The following EYS variants were observed in gnomAD, a reference collection of about 807,000 sequenced individuals.
EYS encodes EGF-like photoreceptor maintenance factor.
In EYS, 250 loss-of-function variants were observed where a neutral mutation model predicts 282.1. The ratio of observed to expected loss-of-function variants is 0.89; its 90% confidence interval spans 0.80 to 0.98. The LOEUF (loss-of-function observed/expected upper bound fraction) is 0.98, where lower values mean the gene tolerates loss of function less well. EYS is among the 50% of genes least tolerant of loss of function. The pLI is 0.00. For missense variants in EYS, 4,016 were observed against 3,709.0 expected, an observed-to-expected ratio of 1.08 and a Z score of -2.15; for synonymous variants, 1,355 against 1,282.9, an observed-to-expected ratio of 1.06 and a Z score of -1.20.
intron 23 of EYS, among the ~76,000 whole-genome samples, chr6:64,622,686 T>C (rs1028317326): frequency 2.0e-5 from 3 of 152,122 alleles, no homozygotes; most frequent in Non-Finnish European, 2.9e-5. Flanking sequence ...ATAATATGAA[T>C]GTAAGAAAGA....
At chr6:64,132,773 A>G (rs753824331) in intron 31 of EYS, among the ~76,000 whole-genome samples, 3 of 151,148 alleles carry the variant, frequency 2.0e-5, no homozygotes, top group African/African-American at 4.9e-5. Flanking sequence ...TTGCAATAAA[A>G]TAAACCAAAG....
intron 37 of EYS, among the ~76,000 whole-genome samples, chr6:63,792,361 A>G (rs1562028463): frequency 6.6e-6 from 1 of 152,050 alleles, no homozygotes; most frequent in Non-Finnish European, 1.5e-5. Flanking sequence ...TGGAGTAGAT[A>G]AGAGGAAGAA....
rs570561227 is a variant in EYS at position 64,322,100 on chromosome 6, C to T, written c.6079-15018G>A. ...AACAACTATTTACTAAGCACATACTCGGTAGTAAGCACAGGGTCACCATAT... is the reference window on the plus strand; with the variant it reads ...AACAACTATTTACTAAGCACATACTTGGTAGTAAGCACAGGGTCACCATAT... On this transcript the variant is annotated intron_variant, in intron 29 of 42. Transcript: ENST00000503581. Among the ~76,000 whole-genome samples, 20 of 152,004 alleles carry T rather than the reference C, an allele frequency of 1.3e-4. No individual in the cohort carries two copies. In the Middle Eastern group the frequency reaches 0.01, roughly 78 times the overall value.
chr6:64,006,436 G>C (rs1015377060), intron 33 of EYS, among the ~76,000 whole-genome samples: 2 of 152,152 alleles, frequency 1.3e-5, no homozygotes, highest in Non-Finnish European at 2.9e-5. Context: ...TCTGCAGAGA[G>C]AGAGAGTTTG....
chr6:65,472,096 T>C (rs1765238609), intron 5 of EYS, among the ~76,000 whole-genome samples: 1 of 152,138 alleles, frequency 6.6e-6, no homozygotes, highest in South Asian at 2.1e-4. Flanking sequence ...ATTGTCAGTT[T>C]CCATGCACTT....
chr6:64,337,780 C>A (rs769841947), intron 29 of EYS, among the ~76,000 whole-genome samples: 3 of 152,008 alleles, frequency 2.0e-5, no homozygotes, highest in Non-Finnish European at 2.9e-5. Flanking sequence ...GATAATCCAC[C>A]ATGATCAAGT....
At chr6:63,810,544 A>G (rs545755525) in intron 36 of EYS, among the ~76,000 whole-genome samples, 1 of 152,348 alleles carries the variant, frequency 6.6e-6, no homozygotes, top group East Asian at 1.9e-4. Context: ...GGGGCTGGCC[A>G]GCTCAGGCTT....
intron 33 of EYS, among the ~76,000 whole-genome samples, chr6:64,059,161 C>T (rs975822456): frequency 1.8e-4 from 27 of 152,114 alleles, no homozygotes; most frequent in African/African-American, 6.0e-4. Flanking sequence ...TTCTAATCTT[C>T]AAAATGGAGT....
At chr6:65,689,230 TG>T (rs1769146388) in intron 1 of EYS, among the ~76,000 whole-genome samples, 1 of 150,260 alleles carries the variant, frequency 6.7e-6, no homozygotes, top group South Asian at 2.1e-4. Context: ...TGTAGGGACA[TG>T]GATGAAGCTG....
chr6:63,818,521 T>G (rs989056216), intron 36 of EYS, among the ~76,000 whole-genome samples: 2 of 152,188 alleles, frequency 1.3e-5, no homozygotes, highest in African/African-American at 4.8e-5. Flanking sequence ...TCCACCCTTC[T>G]CCTTCTCCCT....
chr6:64,923,886 G>A (rs1562260817), intron 15 of EYS, among the ~76,000 whole-genome samples: 1 of 144,418 alleles, frequency 6.9e-6, no homozygotes. Flanking sequence ...CCCCCTCCTG[G>A]CTGCTTTCAC....
intron 12 of EYS, among the ~76,000 whole-genome samples, chr6:65,260,302 A>G (rs745342739): frequency 1.1e-4 from 17 of 152,260 alleles, no homozygotes; most frequent in Middle Eastern, 3.4e-3. Context: ...TTATAATTCA[A>G]GATGAGATTT....
intron 5 of EYS, among the ~76,000 whole-genome samples, chr6:65,446,275 A>G (rs780964025): frequency 6.6e-6 from 1 of 151,764 alleles, no homozygotes; most frequent in Non-Finnish European, 1.5e-5. Context: ...GAAGCCATTA[A>G]TTTTTTTGGC....
chr6:65,664,054 T>TG (rs1768116420), intron 1 of EYS, among the ~76,000 whole-genome samples: 1 of 152,024 alleles, frequency 6.6e-6, no homozygotes, highest in South Asian at 2.1e-4. Flanking sequence ...GTATTTTTAG[T>TG]GGAGACGGGG....
At chr6:64,130,160 G>T (rs561289051) in intron 31 of EYS, among the ~76,000 whole-genome samples, 1 of 152,264 alleles carries the variant, frequency 6.6e-6, no homozygotes, top group South Asian at 2.1e-4. Context: ...AAATCATGCT[G>T]CTATAAAGAC....
At chr6:63,930,242 T>C (rs1764844884) in intron 35 of EYS, among the ~76,000 whole-genome samples, 1 of 152,004 alleles carries the variant, frequency 6.6e-6, no homozygotes, top group South Asian at 2.1e-4. Flanking sequence ...CCAAAATATA[T>C]ACAATTATTA....
chr6:65,233,920 G>A (rs2150270313), intron 12 of EYS, among the ~76,000 whole-genome samples: 1 of 152,108 alleles, frequency 6.6e-6, no homozygotes, highest in South Asian at 2.1e-4. Context: ...TCCTGAGTGA[G>A]GGCAACCCAG....
chr6:63,938,146 C>T (rs913587727), intron 35 of EYS, among the ~76,000 whole-genome samples: 6 of 152,022 alleles, frequency 3.9e-5, no homozygotes, highest in East Asian at 1.9e-4. Flanking sequence ...GATGAGACTT[C>T]GAAGTAGAAA....
At chr6:65,565,244 C>CAAAAA (rs765596305) in intron 2 of EYS, among the ~76,000 whole-genome samples, 3 of 1,618 alleles carry the variant, frequency 1.9e-3, no homozygotes, top group Non-Finnish European at 2.3e-3. Flanking sequence ...GACTCCGTCT[C>CAAAAA]AAAAAAAAAA....
Sources: gnomAD v4.1 joint callset for allele counts (sites outside exome capture counted in the v4.1 genomes callset) on GRCh38, gnomAD v4.1.1 for gene constraint, MANE v1.5 for transcripts, NCBI Gene and HGNC (gene_info 2026-07-23, HGNC 2026-07-21) for gene names.